Variants in PTGER3 observed in about 807,000 individuals in gnomAD.
PTGER3 encodes prostaglandin E2 receptor EP3 subtype.
A neutral mutation model predicts 34.7 loss-of-function variants in PTGER3; 22 were observed. The ratio of observed to expected loss-of-function variants is 0.63; its 90% CI spans 0.45 to 0.91. The LOEUF (loss-of-function observed/expected upper bound fraction) is 0.91. PTGER3 is among the 40% of genes least tolerant of loss of function. The pLI, the probability that PTGER3 is intolerant of heterozygous loss-of-function variation, is 0.00. For synonymous variants in PTGER3, 241 were observed against 230.1 expected, an observed-to-expected ratio of 1.05 and a Z score of -0.43; for missense variants, 468 against 519.4, an observed-to-expected ratio of 0.90 and a Z score of 0.96.
intron 2 of PTGER3, chr1:71,009,324 G>A (rs1657239322): frequency 2.0e-6 from 2 of 982,566 alleles, no homozygotes; most frequent in South Asian, 4.7e-5. Flanking sequence ...ATAAAGAAAT[G>A]TAAGTAGAAA....
At chr1:70,913,030 G>A (rs919688634) in intron 4 of PTGER3, among the ~76,000 whole-genome samples, 1 of 151,886 alleles carries the variant, frequency 6.6e-6, no homozygotes, top group Non-Finnish European at 1.5e-5. Context: ...TATAGAAAAT[G>A]CCTGCTGGGA....
chr1:70,931,627 T>A (rs997142012), intron 4 of PTGER3, among the ~76,000 whole-genome samples: 8 of 152,334 alleles, frequency 5.3e-5, no homozygotes, highest in Middle Eastern at 3.4e-3. Flanking sequence ...GCTGCCAAGG[T>A]TTGGGGCTTG....
chr1:71,014,602 C>T (rs2817856), intron 1 of PTGER3, among the ~76,000 whole-genome samples: 1 of 152,078 alleles, frequency 6.6e-6, no homozygotes, highest in Admixed American at 6.5e-5. Context: ...GATTATTATC[C>T]TTATAAGAAG....
chr1:70,996,883 C>A (rs1466986940), intron 2 of PTGER3, among the ~76,000 whole-genome samples: 1 of 152,004 alleles, frequency 6.6e-6, no homozygotes, highest in Non-Finnish European at 1.5e-5. Context: ...AGGATGGTCT[C>A]GATCTCCTGA....
chr1:70,944,968 C>T (rs559791952), intron 4 of PTGER3, among the ~76,000 whole-genome samples: 15 of 152,162 alleles, frequency 9.9e-5, no homozygotes, highest in East Asian at 3.9e-4. Flanking sequence ...ACTTCTCATC[C>T]GTACCAGTGC....
chr1:70,973,202 TGATAGATAGATAGATAGATGATA>T (rs1373901443), intron 3 of PTGER3, among the ~76,000 whole-genome samples: 2 of 143,902 alleles, frequency 1.4e-5, no homozygotes, highest in East Asian at 2.1e-4. Flanking sequence ...TATAGATAGA[TGATAGATAGATAGATAGATGATA>T]GATAGATAGA....
chr1:70,936,486 A>G (rs531480064), intron 4 of PTGER3, among the ~76,000 whole-genome samples: 6 of 152,334 alleles, frequency 3.9e-5, no homozygotes, highest in African/African-American at 1.4e-4. Context: ...CTGTAGTACA[A>G]TTCCAAAAAG....
chr1:71,029,651 C>A (rs996138797), intron 1 of PTGER3, among the ~76,000 whole-genome samples: 1 of 152,022 alleles, frequency 6.6e-6, no homozygotes, highest in African/African-American at 2.4e-5. Flanking sequence ...TATGGCCGGG[C>A]GTGATGGCTC....
chr1:71,043,824 TG>T (rs1660516076), intron 1 of PTGER3, among the ~76,000 whole-genome samples: 1 of 151,780 alleles, frequency 6.6e-6, no homozygotes, highest in Non-Finnish European at 1.5e-5. Flanking sequence ...TTTTGTTTTT[TG>T]TTTTTTTTTT....
intron 4 of PTGER3, among the ~76,000 whole-genome samples, chr1:70,921,765 T>C (rs1647550637): frequency 6.6e-6 from 1 of 152,204 alleles, no homozygotes; most frequent in African/African-American, 2.4e-5. Context: ...GTCTCTGCCA[T>C]CACAATGGCA....
chr1:70,869,219 C>G (rs925801101), intron 4 of PTGER3: 1 of 464,384 alleles, frequency 2.2e-6, no homozygotes, highest in East Asian at 7.0e-5. Flanking sequence ...TTTACAACAA[C>G]CAAATTTTGC....
intron 4 of PTGER3, among the ~76,000 whole-genome samples, chr1:70,875,301 C>T (rs1646250560): frequency 6.6e-6 from 1 of 152,106 alleles, no homozygotes. Context: ...CTGCTGTTGA[C>T]ATTAAAATTA....
chr1:70,958,777 T>C (rs1249952722), intron 2 of PTGER3, among the ~76,000 whole-genome samples: 1 of 152,194 alleles, frequency 6.6e-6, no homozygotes, highest in Non-Finnish European at 1.5e-5. Context: ...AAGCATTTCC[T>C]CTATCTTTTG....
intron 1 of PTGER3, 59 bp downstream of exon 1, chr1:71,046,622 T>A (rs1024519160): frequency 2.0e-6 from 3 of 1,497,122 alleles, no homozygotes; most frequent in Non-Finnish European, 2.7e-6. Context: ...TAGCAAAGTC[T>A]TAGGTTCCCG....
intron 4 of PTGER3, among the ~76,000 whole-genome samples, chr1:70,927,707 A>T (rs74089156): frequency 0.029 from 4,362 of 152,230 alleles, 231 homozygotes; most frequent in African/African-American, 0.1. Flanking sequence ...GCTATGCTGG[A>T]TTCCCAGAGG....
chr1:70,890,836 G>A (rs1646601466), intron 4 of PTGER3, among the ~76,000 whole-genome samples: 1 of 152,128 alleles, frequency 6.6e-6, no homozygotes, highest in Non-Finnish European at 1.5e-5. Flanking sequence ...TCAAGATATG[G>A]CTATGGTTTT....
chr1:70,897,756 C>T (rs1646751620), intron 4 of PTGER3, among the ~76,000 whole-genome samples: 1 of 152,208 alleles, frequency 6.6e-6, no homozygotes, highest in East Asian at 1.9e-4. Flanking sequence ...GTCAACCCTT[C>T]AGCACCTAGA....
chr1:71,011,621 C>A lies in PTGER3; in HGVS notation c.1077+684G>T, dbSNP rs184752959. 280 of 983,986 alleles carry A rather than the reference C, an allele frequency of 2.8e-4. 1 individual carries two copies. In the African/African-American group the frequency reaches 4.5e-3, roughly 16 times the overall value. The allele number at this position is 983,986 out of a possible 1,614,324, so 61.0% of individuals were successfully genotyped here. ...GGTTCTTATTCAGATAAAGAGTAAA[C>A]CTAATTATCAATCCAAGTAAACTTA... On this transcript the variant is annotated intron_variant, in intron 2 of 3. Transcript: ENST00000306666.
rs182844895 is a variant in PTGER3, at chr1:70,973,014, G to A, written c.1170-1281C>T. On this transcript the variant is annotated intron_variant, in intron 3 of 3. Transcript: ENST00000306666. ...CTTTAAAAAATTAAAAATGGAGTTA[G>A]AGTGAACCTACCAAAAAAGAGATGG... Among the ~76,000 whole-genome samples the A allele has an allele frequency of 7.0e-4, 103 of 147,610 alleles. No individual in the cohort carries two copies. In the South Asian group the frequency reaches 7.1e-3, roughly 10 times the overall value.
Sources: gnomAD v4.1 joint callset for allele counts (sites outside exome capture counted in the v4.1 genomes callset) on GRCh38, gnomAD v4.1.1 for gene constraint, MANE v1.5 for transcripts, NCBI Gene and HGNC (gene_info 2026-07-23, HGNC 2026-07-21) for gene names.